YAF2: variants seen among roughly 807,000 people sequenced by gnomAD.
YAF2 encodes YY1-associated factor 2.
A neutral mutation model predicts 20.1 loss-of-function variants in YAF2; 7 were observed. The ratio of observed to expected loss-of-function variants is 0.35; its 90% CI spans 0.20 to 0.65. YAF2 has a LOEUF of 0.65. Among genes scored for constraint, YAF2 ranks in the 30% least tolerant of loss-of-function variants. The probability of loss-of-function intolerance (pLI) is 0.69; values close to 1 mark genes in which losing one functional copy is unlikely to be tolerated. For synonymous variants in YAF2, 74 were observed against 76.0 expected, an observed-to-expected ratio of 0.97 and a Z score of 0.14; for missense variants, 151 against 219.2, an observed-to-expected ratio of 0.69 and a Z score of 1.96.
At chr12:42,200,438 T>A (rs1036099157) in intron 2 of YAF2, among the ~76,000 whole-genome samples, 3 of 152,150 alleles carry the variant, frequency 2.0e-5, no homozygotes, top group Non-Finnish European at 4.4e-5. Flanking sequence ...CTCCACTACA[T>A]CAGAACCAAG....
At chr12:42,172,232 T>C (rs1329490809) in intron 2 of YAF2, 1 of 152,226 alleles carries the variant, frequency 6.6e-6, no homozygotes, top group African/African-American at 2.4e-5. Flanking sequence ...ATACAAGGAC[T>C]TTTGAGTTAA....
At chr12:42,215,466 A>T (rs2067325831) in intron 2 of YAF2, among the ~76,000 whole-genome samples, 1 of 152,238 alleles carries the variant, frequency 6.6e-6, no homozygotes, top group Non-Finnish European at 1.5e-5. Flanking sequence ...CTGTTACTTT[A>T]TAGAACAAAT....
At position 42,168,698 on chromosome 12, in the gene YAF2, C is replaced by T. The variant is rs565540937; in HGVS notation, c.153-6933G>A. Among the ~76,000 whole-genome samples the T allele has an allele frequency of 4.9e-3, 751 of 152,238 alleles. 6 individuals are homozygous for T. Among genetic ancestry groups the T allele is most frequent in the African/African-American group, 0.017 (725 of 41,544 alleles). ...AACAAGAACACTCCATTCACAGGAA[C>T]AAGCCACTGTTCTCAAAGTAGTTAC... is the stretch of plus-strand genomic sequence containing the variant. On this transcript the variant is annotated intron_variant, in intron 2 of 3. Coordinates refer to ENST00000534854, the MANE Select transcript of YAF2 (RefSeq NM_005748.6).
chr12:42,207,126 A>G (rs1465735743), intron 2 of YAF2, among the ~76,000 whole-genome samples: 2 of 152,206 alleles, frequency 1.3e-5, no homozygotes, highest in Admixed American at 6.5e-5. Flanking sequence ...TAACGACCAT[A>G]TCATTCACAC....
At chr12:42,215,334 G>T (rs1422989093) in intron 2 of YAF2, among the ~76,000 whole-genome samples, 4 of 152,034 alleles carry the variant, frequency 2.6e-5, no homozygotes, top group Admixed American at 2.6e-4. Context: ...ACTTTGGGAG[G>T]CTGAGGTGGA....
intron 2 of YAF2, among the ~76,000 whole-genome samples, chr12:42,230,905 G>A (rs889773054): frequency 2.6e-5 from 4 of 152,146 alleles, no homozygotes; most frequent in African/African-American, 4.8e-5. Context: ...CTTTGGAGGC[G>A]ACATCAACAG....
In YAF2 at chr12:42,199,053, ATT is replaced by A; in HGVS notation, c.153-37290_153-37289del. On this transcript the variant is annotated intron_variant, in intron 2 of 3. Transcript: ENST00000534854. Reference sequence around the variant, plus strand: ...TTTTAACATTTTTGTTGAATTTAATATTGTTTGTTCCTTTAGTATTAATTTCC... The same window carrying A: ...TTTTAACATTTTTGTTGAATTTAATAGTTTGTTCCTTTAGTATTAATTTCC... 3 of 702,924 alleles carry A rather than the reference ATT, an allele frequency of 4.3e-6. 1 individual carries two copies. The highest frequency in any genetic ancestry group is 5.9e-6 in the Non-Finnish European group (3 of 504,556). The allele number at this position is 702,924 out of a possible 1,614,324, so 43.5% of individuals were successfully genotyped here. A position where few individuals can be genotyped will look rare whatever the true frequency, so the allele number is the denominator to read the frequency against.
At chr12:42,237,499 C>T (rs1268619633) in intron 2 of YAF2, 100 bp downstream of exon 2, 34 of 1,365,428 alleles carry the variant, frequency 2.5e-5, no homozygotes, top group Non-Finnish European at 2.2e-5. Context: ...CCTCCTCCCG[C>T]CGGGTCCGCC....
chr12:42,191,659 C>A (rs762586054), intron 2 of YAF2, among the ~76,000 whole-genome samples: 1 of 152,128 alleles, frequency 6.6e-6, no homozygotes, highest in African/African-American at 2.4e-5. Context: ...TGCCAAGCAT[C>A]ACACTTAGTG....
intron 2 of YAF2, among the ~76,000 whole-genome samples, chr12:42,227,048 G>C (rs973285602): frequency 6.3e-4 from 91 of 145,578 alleles, no homozygotes; most frequent in Non-Finnish European, 1.1e-3. Context: ...AGCCGCTGCC[G>C]CGACCGACCG....
At chr12:42,165,061 CAAA>C (rs78729667) in intron 2 of YAF2, among the ~76,000 whole-genome samples, 10 of 64,770 alleles carry the variant, frequency 1.5e-4, no homozygotes, top group Admixed American at 5.5e-4. Flanking sequence ...TCTTCTGGAA[CAAA>C]AAAAAAAAAA....
chr12:42,181,541 A>AGTGG (rs2066342082), intron 2 of YAF2, among the ~76,000 whole-genome samples: 1 of 152,256 alleles, frequency 6.6e-6, no homozygotes, highest in African/African-American at 2.4e-5. Flanking sequence ...CTATACCAAT[A>AGTGG]GTGGGCTCTG....
At chr12:42,237,969 C>CCGCCAT (rs2068236033) in intron 1 of YAF2, among the ~76,000 whole-genome samples, 186 bp downstream of exon 1, 1 of 149,074 alleles carries the variant, frequency 6.7e-6, no homozygotes, top group African/African-American at 2.4e-5. Flanking sequence ...CCGGTCGCCG[C>CCGCCAT]CGCCATCGCG....
At chr12:42,186,915 C>G (rs2137077207) in intron 2 of YAF2, among the ~76,000 whole-genome samples, 1 of 152,188 alleles carries the variant, frequency 6.6e-6, no homozygotes, top group Non-Finnish European at 1.5e-5. Context: ...TCTGAGCAAG[C>G]CATTGCTTGC....
chr12:42,222,607 T>C (rs148042198), intron 2 of YAF2, among the ~76,000 whole-genome samples: 1 of 152,178 alleles, frequency 6.6e-6, no homozygotes, highest in African/African-American at 2.4e-5. Flanking sequence ...AATTTATATA[T>C]ATTCAATACT....
chr12:42,224,675 G>A (rs759001425), intron 2 of YAF2, among the ~76,000 whole-genome samples: 1 of 152,076 alleles, frequency 6.6e-6, no homozygotes, highest in Non-Finnish European at 1.5e-5. Context: ...ATGGTTTCCA[G>A]CTTCATCCAT....
In YAF2 at chr12:42,161,606, C is replaced by A. The variant is rs778884199; in HGVS notation, c.305+7G>T. On this transcript the variant is annotated splice_region_variant and intron_variant, in intron 3 of 3. Coordinates refer to ENST00000534854, the MANE Select transcript of YAF2 (RefSeq NM_005748.6). ...CAAAAATGTCATAAAACACTCTTCA[C>A]ATTTACCTGGTTTTCTTATGGCTAT... is the stretch of plus-strand genomic sequence containing the variant. 2.3e-5 allele frequency: 36 copies of A among 1,574,814 alleles called. No individual in the cohort carries two copies. In the Admixed American group the frequency reaches 7.0e-4, roughly 31 times the overall value.
At chr12:42,161,870 TTCAA>T in intron 2 of YAF2, 105 bp from the exon 3 acceptor site, 4 of 1,063,872 alleles carry the variant, frequency 3.8e-6, no homozygotes, top group Non-Finnish European at 5.3e-6. Context: ...AACAATAACT[TTCAA>T]GTATAAAAAT....
At chr12:42,196,383 G>A (rs1290614749) in intron 2 of YAF2, among the ~76,000 whole-genome samples, 1 of 152,086 alleles carries the variant, frequency 6.6e-6, no homozygotes, top group Non-Finnish European at 1.5e-5. Context: ...AATGGAAAGA[G>A]GTAAGGCTGA....
Sources: allele counts gnomAD v4.1 joint callset (sites outside exome capture counted in the v4.1 genomes callset), GRCh38; gene constraint gnomAD v4.1.1; transcripts MANE v1.5; gene names NCBI Gene and HGNC (gene_info 2026-07-23, HGNC 2026-07-21).